The following LAMA3 variants were observed in gnomAD, a reference collection of about 807,000 sequenced individuals.
LAMA3 encodes laminin subunit alpha-3.
LAMA3 carries 281 observed loss-of-function variants against 402.0 expected under a neutral mutation model. That is an observed-to-expected ratio of 0.70 (90% CI 0.63 to 0.77). The LOEUF (loss-of-function observed/expected upper bound fraction) is 0.77, where lower values mean the gene tolerates loss of function less well. Ranked by LOEUF, LAMA3 falls within the 30% of genes least tolerant of loss-of-function variation. The pLI is 0.00. For synonymous variants in LAMA3, 1,431 were observed against 1,558.4 expected, an observed-to-expected ratio of 0.92 and a Z score of 1.93; for missense variants, 3,840 against 4,215.5, an observed-to-expected ratio of 0.91 and a Z score of 2.47.
chr18:23,707,343 G>A (rs1568097925), intron 1 of LAMA3, among the ~76,000 whole-genome samples: 1 of 152,204 alleles, frequency 6.6e-6, no homozygotes, highest in Non-Finnish European at 1.5e-5. Context: ...CTTCTTGCCT[G>A]CTGGCTTCCA....
At chr18:23,837,395 A>G (rs1473365792) in intron 25 of LAMA3, 1 of 298,054 alleles carries the variant, frequency 3.4e-6, no homozygotes, top group Non-Finnish European at 6.4e-6. Context: ...CTAGTTTACC[A>G]TTATTGCCAG....
At position 23,839,850 on chromosome 18, in the gene LAMA3, G is replaced by T. The variant is rs1178322332; in HGVS notation, c.3257G>T (p.Gly1086Val). Residue 1086 changes from glycine (G) to valine (V), a missense_variant, in exon 27 of 75, where the codon GGC becomes GTC. Physicochemically the swap from Gly to Val is moderately radical, Grantham distance 109. Transcript: ENST00000313654. This position sits in a 1 kb window ranked among gnomAD's most constrained non-coding sequence, Gnocchi z 4.5. Reference protein sequence around the residue: ...PTALILDVLSGRPFPHLPQQS... With the variant: ...PTALILDVLSVRPFPHLPQQS... ...GCATTAATTTTGGATGTTCTAAGTG[G>T]CAGGCCTTTCCCTCACCTGCCCCAG... 1 of 1,614,110 alleles carries T rather than the reference G, an allele frequency of 6.2e-7. No individual in the cohort carries two copies. Among genetic ancestry groups the T allele is most frequent in the Admixed American group, 1.7e-5 (1 of 60,014 alleles).
At chr18:23,795,730 T>TG (rs1447740753) in intron 12 of LAMA3, among the ~76,000 whole-genome samples, 1 of 151,226 alleles carries the variant, frequency 6.6e-6, no homozygotes, top group Non-Finnish European at 1.5e-5. Context: ...ATATATATTT[T>TG]TTTTAATCTA....
chr18:23,881,584 A>G (rs936800961), intron 39 of LAMA3, among the ~76,000 whole-genome samples: 1 of 152,244 alleles, frequency 6.6e-6, no homozygotes, highest in African/African-American at 2.4e-5. Flanking sequence ...AATTGTATGT[A>G]AATCATACAC....
chr18:23,829,354 G>T (rs1000772251), intron 23 of LAMA3, among the ~76,000 whole-genome samples: 1 of 152,112 alleles, frequency 6.6e-6, no homozygotes, highest in Non-Finnish European at 1.5e-5. Flanking sequence ...TATGTGTTTT[G>T]AATTTTGTTT....
intron 8 of LAMA3, among the ~76,000 whole-genome samples, chr18:23,773,258 A>C (rs952056491): frequency 3.9e-5 from 6 of 152,264 alleles, no homozygotes; most frequent in Admixed American, 1.3e-4. Flanking sequence ...GGGCTTGTCC[A>C]GTTGATGGAA....
At position 23,842,493 on chromosome 18, in the gene LAMA3, G is replaced by A. The variant is rs2063723914; in HGVS notation, c.3435G>A (p.Val1145=). ...CGCACCCGACGTTTCCCGCGCAGGT[G>A]TCGGTGGATGGCGGGTGGCCACGGG... The part of the protein sequence containing the change: ...QAAHPTFPAQ[V]SVDGGWPRAG... Residue 1145 remains valine, a synonymous_variant, in exon 28 of 75, where the codon GTG becomes GTA. Transcript: ENST00000313654. 6.2e-7 allele frequency: 1 copy of A among 1,614,120 alleles called. No individual in the cohort carries two copies.
At chr18:23,940,834 C>T (rs536320405) in intron 68 of LAMA3, among the ~76,000 whole-genome samples, 57 of 17,262 alleles carry the variant, frequency 3.3e-3, no homozygotes, top group Middle Eastern at 0.012. Flanking sequence ...ATTGTCCCTC[C>T]AGTTGTCCCC....
At chr18:23,946,669 G>C (rs1384822750) in intron 70 of LAMA3, 1 of 199,856 alleles carries the variant, frequency 5.0e-6, no homozygotes, top group African/African-American at 2.3e-5. Context: ...TTTGCCATAA[G>C]GTAAAACATT....
At chr18:23,911,053 ATTC>A (rs895832413) in intron 55 of LAMA3, among the ~76,000 whole-genome samples, 2 of 137,166 alleles carry the variant, frequency 1.5e-5, no homozygotes, top group Admixed American at 7.6e-5. Flanking sequence ...ATACAGGCAT[ATTC>A]TTCTCCCTCC....
chr18:23,819,719 CT>C (rs946556909), intron 18 of LAMA3, 121 bp from the exon 19 acceptor site: 2 of 870,692 alleles, frequency 2.3e-6, no homozygotes, highest in African/African-American at 1.7e-5. Context: ...CTCATTTGTC[CT>C]TTATTTAATG....
intron 66 of LAMA3, among the ~76,000 whole-genome samples, chr18:23,932,866 G>A (rs2082205863): frequency 6.6e-6 from 1 of 152,208 alleles, no homozygotes; most frequent in Non-Finnish European, 1.5e-5. Context: ...AGGCTACCAT[G>A]ACAGGGAGCC....
In LAMA3 at chr18:23,773,601, C is replaced by G; in HGVS notation, c.1273+14C>G. 1.3e-6 allele frequency: 2 copies of G among 1,539,994 alleles called. No individual in the cohort carries two copies. The highest frequency in any genetic ancestry group is 1.8e-6 in the Non-Finnish European group (2 of 1,128,188). On this transcript the variant is annotated intron_variant, in intron 9 of 74. Transcript: ENST00000313654. The stretch of plus-strand genomic sequence containing the variant: ...ATGGCTGCATCCGTAAGTTTCATTT[C>G]AAGTTGGTGTATCTTAGCCTGTGTG...
intron 2 of LAMA3, among the ~76,000 whole-genome samples, chr18:23,721,926 C>G (rs888319246): frequency 2.6e-5 from 4 of 152,228 alleles, no homozygotes; most frequent in African/African-American, 9.7e-5. Context: ...AATCAATCTT[C>G]TCATTACTAC....
intron 2 of LAMA3, among the ~76,000 whole-genome samples, chr18:23,738,014 C>T (rs746010977): frequency 1.2e-4 from 18 of 152,234 alleles, no homozygotes; most frequent in Non-Finnish European, 2.4e-4. Flanking sequence ...CCAGGAAATC[C>T]GGCTCTGAAG....
intron 47 of LAMA3, chr18:23,899,795 C>T (rs2081006448): frequency 4.0e-6 from 1 of 249,584 alleles, no homozygotes; most frequent in Non-Finnish European, 7.9e-6. Flanking sequence ...GTCACCTCAC[C>T]ACTACTGAAT....
intron 39 of LAMA3, among the ~76,000 whole-genome samples, chr18:23,878,472 C>T (rs1332657216): frequency 6.6e-6 from 1 of 152,210 alleles, no homozygotes; most frequent in Non-Finnish European, 1.5e-5. Flanking sequence ...GTCTAGTAGG[C>T]AATGTGTATG....
chr18:23,928,552 A>T, intron 63 of LAMA3, 73 bp from the exon 64 acceptor site: 2 of 1,397,878 alleles, frequency 1.4e-6, no homozygotes, highest in South Asian at 1.2e-5. Flanking sequence ...GTAAAGTGAG[A>T]TAGGGTAAGG....
intron 2 of LAMA3, among the ~76,000 whole-genome samples, chr18:23,720,502 G>A (rs905240482): frequency 1.3e-5 from 2 of 151,920 alleles, no homozygotes; most frequent in African/African-American, 4.8e-5. Context: ...CTACAGGCAC[G>A]GACCACCACA....
Sources: gnomAD v4.1 joint callset for allele counts (sites outside exome capture counted in the v4.1 genomes callset) on GRCh38, gnomAD v4.1.1 for gene constraint, Gnocchi (gnomAD v3.1) non-coding constraint, MANE v1.5 for transcripts, NCBI Gene and HGNC (gene_info 2026-07-23, HGNC 2026-07-21) for gene names.